The following IFT122 variants were observed in gnomAD, a reference collection of about 807,000 sequenced individuals.
IFT122 encodes the protein intraflagellar transport protein 122 homolog.
IFT122 carries 118 observed loss-of-function variants against 161.6 expected under a neutral mutation model. The ratio of observed to expected loss-of-function variants is 0.73; its 90% CI spans 0.63 to 0.85. IFT122 has a LOEUF of 0.85. Ranked by LOEUF, IFT122 falls within the 40% of genes least tolerant of loss-of-function variation. IFT122 has a pLI of 0.00. For synonymous variants in IFT122, 550 were observed against 602.4 expected (o/e 0.91, Z 1.27); for missense variants, 1,381 against 1,579.6 (o/e 0.87, Z 2.13).
intron 17 of IFT122, among the ~76,000 whole-genome samples, chr3:129,494,350 T>C (rs962027365): frequency 4.1e-4 from 63 of 152,114 alleles, no homozygotes; most frequent in Admixed American, 1.5e-3. Context: ...CCAGCCAAAA[T>C]CAATCTTTTA....
rs1380837918 is a variant in IFT122, at chr3:129,459,724, CCT to C, written c.272+1048_272+1049del. ...TCCTTCCTTCCTTCCTTCCTTCCTT[CCT>C]TCCCTCCCTCCCTCCCTTCTTCCTT... On this transcript the variant is annotated intron_variant, in intron 4 of 29. Transcript: ENST00000348417. 6.9e-3 allele frequency among the ~76,000 whole-genome samples: 670 copies of C among 96,834 alleles called. 39 individuals carry two copies. The highest frequency in any genetic ancestry group is 0.028 in the African/African-American group (567 of 20,268). The allele number at this position is 96,834 out of a possible 152,430, so 63.5% of individuals were successfully genotyped here. A position where few individuals can be genotyped will look rare whatever the true frequency, so the allele number is the denominator to read the frequency against.
chr3:129,465,299 G>A (rs1232243241), intron 7 of IFT122, among the ~76,000 whole-genome samples: 1 of 151,832 alleles, frequency 6.6e-6, no homozygotes, highest in Non-Finnish European at 1.5e-5. Flanking sequence ...TTAATAAATA[G>A]CTTTTTCATG....
At chr3:129,446,389 TA>T (rs747238423) in intron 1 of IFT122, among the ~76,000 whole-genome samples, 9 of 133,316 alleles carry the variant, frequency 6.8e-5, no homozygotes, top group Non-Finnish European at 1.4e-4. Flanking sequence ...CATGCTTGGC[TA>T]ATTTTTTGTA....
chr3:129,497,821 C>T (rs1436623026), intron 18 of IFT122, among the ~76,000 whole-genome samples: 1 of 129,792 alleles, frequency 7.7e-6, no homozygotes. Context: ...TCCTGATTAA[C>T]GTGGCATATT....
rs551688179 is a variant in IFT122, at chr3:129,513,831, G to A, written c.2988-558G>A. 7.0e-5 allele frequency: 17 copies of A among 241,194 alleles called. No homozygotes were observed. The South Asian group carries it at 8.9e-4, about 13-fold the overall frequency. 14.9% of individuals were successfully genotyped at this position (241,194 alleles called of 1,614,324 possible). The stretch of plus-strand genomic sequence containing the variant: ...CAACATCGGAGGTGACCTGAGAGGA[G>A]AGCACAAAGGCTCGTCAGCCTCTGG... On this transcript the variant is annotated intron_variant, in intron 24 of 29. Transcript: ENST00000348417.
intron 17 of IFT122, among the ~76,000 whole-genome samples, chr3:129,494,477 T>TCCAGCTGTTAAAACTTTCA (rs2080585716): frequency 6.6e-6 from 1 of 152,220 alleles, no homozygotes; most frequent in Admixed American, 6.5e-5. Flanking sequence ...GCATGTTGCC[T>TCCAGCTGTTAAAACTTTCA]CCAGCTGTTA....
intron 2 of IFT122, among the ~76,000 whole-genome samples, chr3:129,451,305 T>C (rs1216705892): frequency 1.3e-5 from 2 of 152,046 alleles, no homozygotes; most frequent in African/African-American, 4.8e-5. Context: ...TTATTTTTTG[T>C]AGAGATGGGG....
At chr3:129,440,455 G>A (rs574956876) in intron 1 of IFT122, 84 bp downstream of exon 1, 3 of 1,494,504 alleles carry the variant, frequency 2.0e-6, no homozygotes, top group East Asian at 2.5e-5. Flanking sequence ...TTTGAGGGGG[G>A]CAGCGGGCTT....
chr3:129,504,165 A>G lies in IFT122; in HGVS notation c.2548-154A>G, dbSNP rs535734488. ...TTTCGAAGAGCTGATTTGTTTTTGC[A>G]TTTCTGTGGGTAGTTTTTTGGGGGA... On this transcript the variant is annotated intron_variant, in intron 20 of 29. Transcript: ENST00000348417. 4 of 661,884 alleles carry G rather than the reference A, an allele frequency of 6.0e-6. No individual in the cohort carries two copies. In the East Asian group the frequency reaches 1.1e-4, roughly 18 times the overall value. 41.0% of individuals were successfully genotyped at this position (661,884 alleles called of 1,614,324 possible).
intron 18 of IFT122, among the ~76,000 whole-genome samples, chr3:129,496,761 T>C: frequency 6.6e-6 from 1 of 152,094 alleles, no homozygotes; most frequent in Non-Finnish European, 1.5e-5. Flanking sequence ...CTCCCTCTAC[T>C]TTTTCCTCGT....
chr3:129,519,123 G>A lies in IFT122; in HGVS notation c.3408G>A (p.Arg1136=), dbSNP rs2084407725. 1.2e-6 allele frequency: 2 copies of A among 1,613,988 alleles called. No homozygotes were observed. Among genetic ancestry groups the A allele is most frequent in the Non-Finnish European group, 1.7e-6 (2 of 1,179,990 alleles). The stretch of plus-strand genomic sequence containing the variant: ...TCCCTCCAGGCTCCCAGATTCTGCG[G>A]CTAGTGGAGACCAAGGACTCCATCG... ...EIANNSSQIL[R]LVETKDSIGD... The change falls in exon 28 of 30, where the codon CGG becomes CGA. Residue 1136 remains arginine (R), a synonymous_variant. Coordinates refer to ENST00000348417, the MANE Select transcript of IFT122 (RefSeq NM_052989.3).
At chr3:129,505,637 A>G (rs948703782) in intron 21 of IFT122, among the ~76,000 whole-genome samples, 2 of 152,238 alleles carry the variant, frequency 1.3e-5, no homozygotes, top group South Asian at 4.1e-4. Context: ...GGATCATTTG[A>G]GTGCTCTCAT....
intron 17 of IFT122, 70 bp downstream of exon 17, chr3:129,492,264 T>G: frequency 4.2e-6 from 5 of 1,196,340 alleles, no homozygotes; most frequent in Non-Finnish European, 5.0e-6. Context: ...GCAGCCCTTC[T>G]AACAGGCAAG....
At chr3:129,494,115 G>A (rs923381165) in intron 17 of IFT122, among the ~76,000 whole-genome samples, 1 of 152,148 alleles carries the variant, frequency 6.6e-6, no homozygotes, top group Non-Finnish European at 1.5e-5. Flanking sequence ...CACCTGCTGA[G>A]TGCCATAGAT....
At chr3:129,488,821 C>CT (rs1162364624) in intron 16 of IFT122, among the ~76,000 whole-genome samples, 2 of 152,012 alleles carry the variant, frequency 1.3e-5, no homozygotes, top group Non-Finnish European at 2.9e-5. Flanking sequence ...CACAATGCTG[C>CT]TTTTCTTAGC....
chr3:129,451,587 T>G (rs1438638894), intron 2 of IFT122, among the ~76,000 whole-genome samples: 1 of 152,206 alleles, frequency 6.6e-6, no homozygotes, highest in Admixed American at 6.5e-5. Context: ...CTAGTTTTAT[T>G]TAGGAGGGCC....
chr3:129,461,445 A>G, intron 5 of IFT122, 141 bp downstream of exon 5: 1 of 721,726 alleles, frequency 1.4e-6, no homozygotes, highest in Non-Finnish European at 2.5e-6. Context: ...GGGGAGGCTG[A>G]CAGTTATTCT....
At chr3:129,450,117 A>G (rs951696168) in intron 2 of IFT122, among the ~76,000 whole-genome samples, 180 bp downstream of exon 2, 1 of 152,092 alleles carries the variant, frequency 6.6e-6, no homozygotes, top group African/African-American at 2.4e-5. Flanking sequence ...GTAAACTATC[A>G]GATAAGAACC....
intron 26 of IFT122, among the ~76,000 whole-genome samples, chr3:129,517,118 G>A (rs1228990959): frequency 9.8e-5 from 12 of 121,834 alleles, no homozygotes; most frequent in Middle Eastern, 6.5e-3. Context: ...CACAGAGACC[G>A]CTCCTGCACA....
Sources: gnomAD v4.1 joint callset for allele counts (sites outside exome capture counted in the v4.1 genomes callset) on GRCh38, gnomAD v4.1.1 for gene constraint, MANE v1.5 for transcripts, NCBI Gene and HGNC (gene_info 2026-07-23, HGNC 2026-07-21) for gene names.